Variants in TSHZ3 observed in about 807,000 individuals in gnomAD.
The protein encoded by TSHZ3 is teashirt homolog 3.
In TSHZ3, 10 loss-of-function variants were observed where a neutral mutation model predicts 64.5. That is an observed-to-expected ratio of 0.16 (90% CI 0.10 to 0.26). The LOEUF is 0.26. TSHZ3 is among the 10% of genes least tolerant of loss of function. The probability of loss-of-function intolerance (pLI) is 1.00; values close to 1 mark genes in which losing one functional copy is unlikely to be tolerated. For synonymous variants in TSHZ3, 608 were observed against 593.1 expected (o/e 1.03, Z -0.36); for missense variants, 1,242 against 1,421.7 (o/e 0.87, Z 2.03).
chr19:31,208,050 T>C (rs529798535), intron 4 of TSHZ3, among the ~76,000 whole-genome samples: 1 of 152,284 alleles, frequency 6.6e-6, no homozygotes, highest in African/African-American at 2.4e-5. Flanking sequence ...GGCAACACCC[T>C]TAGCACCAAG....
At chr19:31,199,608 A>G (rs1975046705) in intron 5 of TSHZ3, among the ~76,000 whole-genome samples, 1 of 149,928 alleles carries the variant, frequency 6.7e-6, no homozygotes, top group African/African-American at 2.5e-5. Context: ...TGAAACCACT[A>G]AACTCTTAGA....
At position 31,321,423 on chromosome 19, in the gene TSHZ3, C is replaced by T. The variant is rs866118795; in HGVS notation, c.40+27757G>A. Among the ~76,000 whole-genome samples the T allele has an allele frequency of 1.1e-4, 16 of 152,340 alleles. No homozygotes were observed. In the Middle Eastern group the frequency reaches 0.01, roughly 97 times the overall value. On this transcript the variant is annotated intron_variant, in intron 1 of 1. Transcript: ENST00000240587. ...CTCACCACTGAAGCACTCCAGAGAC[C>T]GTTCCCCGTTGTTTTTAACTGCCCA... is the stretch of plus-strand genomic sequence containing the variant.
At chr19:31,326,246 C>T (rs1916927298) in intron 1 of TSHZ3, among the ~76,000 whole-genome samples, 1 of 152,212 alleles carries the variant, frequency 6.6e-6, no homozygotes, top group Non-Finnish European at 1.5e-5. Flanking sequence ...GAAGACTATA[C>T]TACAAACTGG....
At chr19:31,181,119 C>T (rs1030234719) in intron 5 of TSHZ3, among the ~76,000 whole-genome samples, 1 of 152,048 alleles carries the variant, frequency 6.6e-6, no homozygotes, top group Admixed American at 6.6e-5. Flanking sequence ...TTTAACTCAT[C>T]TGGGTAGCAG....
intron 4 of TSHZ3, among the ~76,000 whole-genome samples, chr19:31,215,946 T>C (rs1975321673): frequency 6.6e-6 from 1 of 151,342 alleles, no homozygotes; most frequent in African/African-American, 2.4e-5. Context: ...AAAAAAACTA[T>C]TAAAAATTAA....
chr19:31,262,706 C>G (rs1417915690), intron 1 of TSHZ3, among the ~76,000 whole-genome samples: 1 of 152,104 alleles, frequency 6.6e-6, no homozygotes, highest in Non-Finnish European at 1.5e-5. Flanking sequence ...TTTTAATGGT[C>G]TGTTTGCTTT....
At chr19:31,223,365 CGTGTGTGTGT>C (rs10551485) in intron 4 of TSHZ3, among the ~76,000 whole-genome samples, 11 of 142,400 alleles carry the variant, frequency 7.7e-5, no homozygotes, top group African/African-American at 2.3e-4. Flanking sequence ...GTTCTTATAA[CGTGTGTGTGT>C]GTGTGTGTGT....
Position 31,310,140 on chromosome 19 carries a change from T to C in TSHZ3, c.41-30388A>G, listed in dbSNP as rs112326397. On this transcript the variant is annotated intron_variant, in intron 1 of 1. Transcript: ENST00000240587. ...CTGGAACTGTGGGGCCCATTCATTATGTTGTCATGTTGCCCCATCTGCTAA... is the reference window on the plus strand; with the variant it reads ...CTGGAACTGTGGGGCCCATTCATTACGTTGTCATGTTGCCCCATCTGCTAA... 6.9e-3 allele frequency among the ~76,000 whole-genome samples: 1,051 copies of C among 152,338 alleles called. 4 individuals carry two copies. The highest frequency in any genetic ancestry group is 0.014 in the Middle Eastern group (4 of 294).
Position 31,277,445 on chromosome 19 carries a change from T to G in TSHZ3, c.2348A>C (p.His783Pro). The G allele has an allele frequency of 2.1e-5, 34 of 1,613,866 alleles. No homozygotes were observed. The highest frequency in any genetic ancestry group is 2.9e-5 in the Non-Finnish European group (34 of 1,179,914). Residue 783 changes from histidine (H) to proline (P), a missense_variant, in exon 2 of 2, where the codon CAC (histidine) becomes CCC (proline). Physicochemically the swap from His to Pro is moderately conservative, Grantham distance 77. This residue lies in a region of TSHZ3 where 550 missense variants were observed against 545.1 expected (regional missense o/e 1.01). Transcript: ENST00000240587. The surrounding 1 kb of genome is among the most constrained non-coding windows in gnomAD (Gnocchi z 4.5). ...GTCTATGGGCTGGTCGTTGTTGACGTGGTAGAAATAGCGGTCGAGGTGGTC... is the reference window on the plus strand; with the variant it reads ...GTCTATGGGCTGGTCGTTGTTGACGGGGTAGAAATAGCGGTCGAGGTGGTC... ...KADHLDRYFY[H>P]VNNDQPIDLT...
intron 4 of TSHZ3, among the ~76,000 whole-genome samples, chr19:31,216,791 C>G (rs531908842): frequency 6.6e-6 from 1 of 151,980 alleles, no homozygotes; most frequent in African/African-American, 2.4e-5. Flanking sequence ...CCCGCCACCA[C>G]GCCTGGCCAA....
chr19:31,315,943 T>TA (rs922970519), intron 1 of TSHZ3, among the ~76,000 whole-genome samples: 1 of 152,014 alleles, frequency 6.6e-6, no homozygotes, highest in African/African-American at 2.4e-5. Context: ...CGACCATTTT[T>TA]TTTTCCCACA....
intron 3 of TSHZ3, among the ~76,000 whole-genome samples, chr19:31,237,034 A>C (rs1975626308): frequency 7.0e-6 from 1 of 142,988 alleles, no homozygotes; most frequent in Non-Finnish European, 1.5e-5. Flanking sequence ...CTCTAATCCC[A>C]GCTACTTGGG....
chr19:31,344,265 C>G (rs1917520883), intron 1 of TSHZ3, among the ~76,000 whole-genome samples: 1 of 152,128 alleles, frequency 6.6e-6, no homozygotes, highest in African/African-American at 2.4e-5. Context: ...TGTCCTTTTC[C>G]CCTCCATGGG....
At chr19:31,339,849 C>T (rs537940795) in intron 1 of TSHZ3, among the ~76,000 whole-genome samples, 9 of 149,386 alleles carry the variant, frequency 6.0e-5, no homozygotes, top group African/African-American at 7.5e-5. Flanking sequence ...AGGCCACGCA[C>T]GTGTCGAAGT....
intron 1 of TSHZ3, among the ~76,000 whole-genome samples, chr19:31,327,113 T>C (rs1010254145): frequency 6.6e-6 from 1 of 151,686 alleles, no homozygotes; most frequent in African/African-American, 2.4e-5. Context: ...AAAAAGCCCT[T>C]AGAAAAAACA....
chr19:31,305,428 G>C (rs1281908621), intron 1 of TSHZ3: 1 of 152,046 alleles, frequency 6.6e-6, no homozygotes, highest in Non-Finnish European at 1.5e-5. Context: ...TCCTAGCATG[G>C]ACCTCTTCTG....
intron 1 of TSHZ3, among the ~76,000 whole-genome samples, chr19:31,281,053 T>C (rs1976352851): frequency 6.6e-6 from 1 of 152,096 alleles, no homozygotes; most frequent in South Asian, 2.1e-4. Context: ...TAAATACTTG[T>C]TTGCTTCAAA....
intron 1 of TSHZ3, among the ~76,000 whole-genome samples, chr19:31,328,843 G>A (rs1381318191): frequency 6.6e-6 from 1 of 152,176 alleles, no homozygotes; most frequent in African/African-American, 2.4e-5. Flanking sequence ...ATAGTAATGG[G>A]AGATGACTTT....
downstream of TSHZ3, among the ~76,000 whole-genome samples, chr19:31,271,931 A>C (rs1266264565): frequency 6.6e-6 from 1 of 152,218 alleles, no homozygotes; most frequent in African/African-American, 2.4e-5. Flanking sequence ...GCATGTTTTC[A>C]GTGGTATGAT....
Sources: gnomAD v4.1 joint callset for allele counts (sites outside exome capture counted in the v4.1 genomes callset) on GRCh38, gnomAD v4.1.1 for gene constraint, gnomAD v4.1.1 regional missense constraint, Gnocchi (gnomAD v3.1) non-coding constraint, MANE v1.5 for transcripts, NCBI Gene and HGNC (gene_info 2026-07-23, HGNC 2026-07-21) for gene names.